The following CENPC variants were observed in gnomAD, a reference collection of about 807,000 sequenced individuals.
CENPC encodes the protein CENP-C 1.
CENPC carries 63 observed loss-of-function variants against 112.1 expected under a neutral mutation model. The ratio of observed to expected loss-of-function variants is 0.56; its 90% CI spans 0.46 to 0.69. The LOEUF (loss-of-function observed/expected upper bound fraction) is 0.69. Among genes scored for constraint, CENPC ranks in the 30% least tolerant of loss-of-function variants. CENPC has a pLI of 0.00. For synonymous variants in CENPC, 333 were observed against 367.6 expected, an observed-to-expected ratio of 0.91 and a Z score of 1.08; for missense variants, 1,000 against 1,103.8, an observed-to-expected ratio of 0.91 and a Z score of 1.33.
At chr4:67,477,210 C>T (rs1016452142) in intron 17 of CENPC, among the ~76,000 whole-genome samples, 2 of 152,214 alleles carry the variant, frequency 1.3e-5, no homozygotes, top group African/African-American at 4.8e-5. Context: ...CATCTCCTGG[C>T]TGGTGGCCAG....
At chr4:67,498,703 C>A (rs1386806899) in intron 12 of CENPC, among the ~76,000 whole-genome samples, 1 of 152,218 alleles carries the variant, frequency 6.6e-6, no homozygotes, top group Non-Finnish European at 1.5e-5. Context: ...AGTTCCCTGG[C>A]TATTTCCACC....
chr4:67,484,020 C>T (rs1207110474), intron 17 of CENPC, among the ~76,000 whole-genome samples: 1 of 152,198 alleles, frequency 6.6e-6, no homozygotes, highest in Non-Finnish European at 1.5e-5. Context: ...CAGTAGTGTA[C>T]AGTAATGTCC....
chr4:67,530,131 C>A (rs1726502246), intron 5 of CENPC, among the ~76,000 whole-genome samples: 1 of 152,064 alleles, frequency 6.6e-6, no homozygotes. Context: ...GATGAAAAAT[C>A]TAAGTTGGGA....
intron 4 of CENPC, among the ~76,000 whole-genome samples, chr4:67,539,514 T>C (rs968156693): frequency 2.0e-5 from 3 of 152,160 alleles, no homozygotes; most frequent in African/African-American, 7.2e-5. Flanking sequence ...CCTTCATTTA[T>C]TAGAATATAA....
At chr4:67,513,505 T>C (rs1725956287) in intron 8 of CENPC, among the ~76,000 whole-genome samples, 1 of 152,182 alleles carries the variant, frequency 6.6e-6, no homozygotes, top group Admixed American at 6.6e-5. Context: ...CATATGTCTT[T>C]TCCTAAGAAA....
rs1463329534 is a variant in CENPC at position 67,472,401 on chromosome 4, G to A, written c.*204C>T. The A allele has an allele frequency of 1.6e-5, 8 of 490,146 alleles. No individual in the cohort carries two copies. The highest frequency in any genetic ancestry group is 4.9e-5 in the Admixed American group (1 of 20,462). 30.4% of individuals were successfully genotyped at this position (490,146 alleles called of 1,614,324 possible). A position where few individuals can be genotyped will look rare whatever the true frequency, so the allele number is the denominator to read the frequency against. ...AAATAATATCATAAATATGGACATC[G>A]CTACAAGCTATTATGTACAGTCACT... is the stretch of plus-strand genomic sequence containing the variant. On this transcript the variant is annotated 3_prime_UTR_variant, in exon 19 of 19. Transcript: ENST00000273853.
chr4:67,535,154 T>C (rs1434732509), intron 4 of CENPC, among the ~76,000 whole-genome samples: 5 of 152,032 alleles, frequency 3.3e-5, no homozygotes, highest in Non-Finnish European at 2.9e-5. Flanking sequence ...AAAAAATATA[T>C]ATTATTTTTT....
chr4:67,496,595 T>C (rs997272555), intron 12 of CENPC, among the ~76,000 whole-genome samples: 2 of 152,228 alleles, frequency 1.3e-5, no homozygotes, highest in Non-Finnish European at 2.9e-5. Flanking sequence ...TTGAATTAGA[T>C]ATTTTATAAA....
chr4:67,533,882 T>C (rs1726633119), intron 4 of CENPC, among the ~76,000 whole-genome samples: 1 of 151,578 alleles, frequency 6.6e-6, no homozygotes, highest in African/African-American at 2.4e-5. Context: ...TGTGTAAAAA[T>C]AAAAAATTAG....
At chr4:67,516,926 T>C (rs866310755) in intron 7 of CENPC, among the ~76,000 whole-genome samples, 59 of 151,956 alleles carry the variant, frequency 3.9e-4, no homozygotes, top group South Asian at 4.1e-4. Context: ...TATATTTGAC[T>C]ACAACAATTA....
chr4:67,532,862 G>A (rs1305300936), intron 4 of CENPC, among the ~76,000 whole-genome samples: 12 of 152,152 alleles, frequency 7.9e-5, no homozygotes, highest in Non-Finnish European at 1.2e-4. Flanking sequence ...AAACCTGCAC[G>A]TTGTGCACAT....
rs35434931 is a variant in CENPC, at chr4:67,470,322, A to G, written c.*2283T>C. ...ACAGTGGCTCACACCTGTAATCCCA[A>G]CACTTTGGGAGGCTGAGGTGGGTGG... On this transcript the variant is annotated 3_prime_UTR_variant, in exon 19 of 19. Transcript: ENST00000273853. The G allele has an allele frequency of 0.22, 33,946 of 152,144 alleles. 4,374 individuals are homozygous for G. The highest frequency in any genetic ancestry group is 0.36 in the Middle Eastern group (105 of 294). 9.4% of individuals were successfully genotyped at this position (152,144 alleles called of 1,614,324 possible). A position where few individuals can be genotyped will look rare whatever the true frequency, so the allele number is the denominator to read the frequency against.
chr4:67,474,628 G>C (rs931778626), intron 18 of CENPC: 16 of 346,938 alleles, frequency 4.6e-5, no homozygotes, highest in African/African-American at 3.3e-4. Context: ...AACCCAGGAG[G>C]TGGAGGCTAC....
chr4:67,472,788 T>A (rs1724702457), intron 18 of CENPC, 113 bp from the exon 19 acceptor site: 1 of 1,174,462 alleles, frequency 8.5e-7, no homozygotes, highest in South Asian at 3.3e-5. Context: ...ATAAAAACAA[T>A]TCACCTAACC....
intron 17 of CENPC, among the ~76,000 whole-genome samples, chr4:67,488,037 T>C (rs994090340): frequency 6.6e-6 from 1 of 151,724 alleles, no homozygotes; most frequent in Non-Finnish European, 1.5e-5. Context: ...AAAGGTAATA[T>C]ATAGAAGAAA....
At chr4:67,480,532 A>G (rs560267503) in intron 17 of CENPC, among the ~76,000 whole-genome samples, 53 of 152,318 alleles carry the variant, frequency 3.5e-4, no homozygotes, top group African/African-American at 1.3e-3. Context: ...GTCAACAACA[A>G]CAAAAAAGTC....
At chr4:67,508,739 T>C in intron 10 of CENPC, 75 bp downstream of exon 10, 1 of 1,389,964 alleles carries the variant, frequency 7.2e-7, no homozygotes, top group Non-Finnish European at 9.8e-7. Flanking sequence ...TGCCTGTCCA[T>C]AAATGACTAA....
chr4:67,506,781 C>T lies in CENPC; in HGVS notation c.2051+7G>A, dbSNP rs758193529. On this transcript the variant is annotated splice_region_variant and intron_variant, in intron 11 of 18. Transcript: ENST00000273853. Reference sequence around the variant, plus strand: ...ATACAACTATTATCCTTACAATACACGCATACCTTTCCTCTAAAACTGAAG... The same window carrying T: ...ATACAACTATTATCCTTACAATACATGCATACCTTTCCTCTAAAACTGAAG... 11 of 1,580,374 alleles carry T rather than the reference C, an allele frequency of 7.0e-6. No homozygotes were observed. Among genetic ancestry groups the T allele is most frequent in the South Asian group, 2.3e-5 (2 of 86,876 alleles).
chr4:67,542,980 C>T (rs1726929648), intron 2 of CENPC, among the ~76,000 whole-genome samples: 2 of 152,180 alleles, frequency 1.3e-5, no homozygotes. Flanking sequence ...TTTTCTTCCC[C>T]TTTGTCATTA....
Sources: gnomAD v4.1 joint callset for allele counts (sites outside exome capture counted in the v4.1 genomes callset) on GRCh38, gnomAD v4.1.1 for gene constraint, MANE v1.5 for transcripts, NCBI Gene and HGNC (gene_info 2026-07-23, HGNC 2026-07-21) for gene names.